The following GLDC variants were observed in gnomAD, a reference collection of about 807,000 sequenced individuals.
The protein encoded by GLDC is glycine decarboxylase.
A neutral mutation model predicts 121.3 loss-of-function variants in GLDC; 104 were observed. That is an observed-to-expected ratio of 0.86 (90% confidence interval 0.73 to 1.01). The LOEUF (loss-of-function observed/expected upper bound fraction) is 1.01. Ranked by LOEUF, GLDC falls within the 50% of genes least tolerant of loss-of-function variation. The pLI is 0.00. For synonymous variants in GLDC, 546 were observed against 480.6 expected (o/e 1.14, Z -1.78); for missense variants, 1,429 against 1,306.6 (o/e 1.09, Z -1.44).
At chr9:6,548,845 AG>A (rs1471290478) in intron 21 of GLDC, among the ~76,000 whole-genome samples, 1 of 151,992 alleles carries the variant, frequency 6.6e-6, no homozygotes, top group African/African-American at 2.4e-5. Context: ...TTTCTCTCAA[AG>A]GTATCTTTGC....
chr9:6,538,682 GGTGGTGACTTC>G (rs1300249211), intron 22 of GLDC, among the ~76,000 whole-genome samples: 1 of 152,134 alleles, frequency 6.6e-6, no homozygotes, highest in Non-Finnish European at 1.5e-5. Flanking sequence ...AGAAACACTG[GGTGGTGACTTC>G]AGTTACCACC....
chr9:6,584,086 G>C (rs902744167), intron 15 of GLDC, among the ~76,000 whole-genome samples: 3 of 152,170 alleles, frequency 2.0e-5, no homozygotes, highest in Admixed American at 6.5e-5. Context: ...TACTACTAAG[G>C]CTACTTCCTA....
Position 6,589,240 on chromosome 9 carries a change from A to T in GLDC, c.1535T>A (p.Val512Glu). The change falls in exon 12 of 25, where the codon GTG becomes GAG. Residue 512 changes from valine (V) to glutamate (E), a missense_variant. Coordinates refer to ENST00000321612, the MANE Select transcript of GLDC (RefSeq NM_000170.3). The stretch of plus-strand genomic sequence containing the variant: ...GAGGAACGGGCTGGTCCTCTTGAAC[A>T]CAGACCCTGGAATACCTCTGCACTC... ...GEECRGIPGSVFKRTSPFLTH... is the reference protein window; with the variant it reads ...GEECRGIPGSEFKRTSPFLTH... 6.2e-7 allele frequency: 1 copy of T among 1,611,734 alleles called. No homozygotes were observed. Among genetic ancestry groups the T allele is most frequent in the Non-Finnish European group, 8.5e-7 (1 of 1,177,882 alleles).
intron 15 of GLDC, among the ~76,000 whole-genome samples, chr9:6,580,671 T>G (rs1818155723): frequency 1.3e-5 from 2 of 152,172 alleles, no homozygotes; most frequent in African/African-American, 4.8e-5. Context: ...TTGCAATAAA[T>G]AAAGCCCTTC....
chr9:6,558,629 G>C lies in GLDC; in HGVS notation c.1982C>G (p.Ala661Gly). Residue 661 changes from alanine (A) to glycine (G), a missense_variant, in exon 17 of 25, where the codon GCA (alanine) becomes GGA (glycine). By Grantham distance (60) the Ala-to-Gly change is moderately conservative (BLOSUM62 0). Transcript: ENST00000321612. ...CTCCACAGGCTGAATCTTCATGCCT[G>C]CCATGTGGGCACTTGCTGGGTTGGT... is the stretch of plus-strand genomic sequence containing the variant. ...HGTNPASAHMAGMKIQPVEVD... is the reference protein window; with the variant it reads ...HGTNPASAHMGGMKIQPVEVD... 1 of 1,614,028 alleles carries C rather than the reference G, an allele frequency of 6.2e-7. No homozygotes were observed. Among genetic ancestry groups the C allele is most frequent in the African/African-American group, 1.3e-5 (1 of 75,044 alleles).
intron 11 of GLDC, among the ~76,000 whole-genome samples, chr9:6,590,877 T>C (rs1421584751): frequency 6.6e-6 from 1 of 152,236 alleles, no homozygotes; most frequent in Non-Finnish European, 1.5e-5. Context: ...GCTTCTTTGA[T>C]CATTTATGAA....
intron 2 of GLDC, among the ~76,000 whole-genome samples, chr9:6,628,289 C>G (rs541329733): frequency 6.6e-6 from 1 of 152,176 alleles, no homozygotes; most frequent in South Asian, 2.1e-4. Context: ...GCCATCCAAA[C>G]CTTGGAAAGC....
chr9:6,600,851 C>G (rs1267428566), intron 8 of GLDC, among the ~76,000 whole-genome samples: 2 of 152,152 alleles, frequency 1.3e-5, no homozygotes, highest in Admixed American at 6.5e-5. Flanking sequence ...ACCCAGGAAG[C>G]TCTTCCTGTT....
chr9:6,573,647 C>T (rs1240246291), intron 15 of GLDC, among the ~76,000 whole-genome samples: 1 of 152,114 alleles, frequency 6.6e-6, no homozygotes, highest in East Asian at 1.9e-4. Flanking sequence ...TGTTGGACAT[C>T]TTTGATGTCA....
intron 20 of GLDC, among the ~76,000 whole-genome samples, chr9:6,552,502 A>G (rs538952180): frequency 5.0e-4 from 76 of 152,358 alleles, no homozygotes; most frequent in African/African-American, 1.7e-3. Context: ...TCTGAGGTAC[A>G]GAATTGTTCC....
intron 15 of GLDC, among the ~76,000 whole-genome samples, chr9:6,581,416 T>C (rs924116104): frequency 6.6e-6 from 1 of 152,230 alleles, no homozygotes; most frequent in Non-Finnish European, 1.5e-5. Context: ...AGCAACCACA[T>C]AAACTTCTTG....
chr9:6,545,941 T>A (rs764814485), intron 21 of GLDC, among the ~76,000 whole-genome samples: 5 of 152,096 alleles, frequency 3.3e-5, no homozygotes, highest in Non-Finnish European at 5.9e-5. Context: ...ATGCCCAGCG[T>A]ACTGTAACTT....
At position 6,592,192 on chromosome 9, in the gene GLDC, T is replaced by G. The variant is rs751588571; in HGVS notation, c.1433A>C (p.Glu478Ala). 32 of 1,607,516 alleles carry G rather than the reference T, an allele frequency of 2.0e-5. No individual in the cohort carries two copies. The Middle Eastern group carries it at 2.3e-3, about 116-fold the overall frequency. Residue 478 changes from glutamate (E) to alanine (A), a missense_variant, in exon 11 of 25, where the codon GAA becomes GCA. Transcript: ENST00000321612. ...LGISLDETVN[E>A]KDLDDLLWIF... The stretch of plus-strand genomic sequence containing the variant: ...CCACAACAAATCGTCCAGATCTTTT[T>G]CATTGACTGTTTCATCAAGAGAAAT...
At chr9:6,573,467 T>A (rs952390696) in intron 15 of GLDC, among the ~76,000 whole-genome samples, 1 of 151,164 alleles carries the variant, frequency 6.6e-6, no homozygotes, top group African/African-American at 2.4e-5. Context: ...TCTTAAAAAA[T>A]AAATAAATAA....
chr9:6,639,108 G>T, intron 2 of GLDC: 1 of 718,622 alleles, frequency 1.4e-6, no homozygotes, highest in South Asian at 1.5e-5. Context: ...TGCCTATTGA[G>T]AATTAATGAC....
chr9:6,599,120 G>C (rs549205804), intron 8 of GLDC, among the ~76,000 whole-genome samples: 1 of 151,432 alleles, frequency 6.6e-6, no homozygotes, highest in Non-Finnish European at 1.5e-5. Flanking sequence ...GAAGACGGAG[G>C]TTGCAGTGAG....
At chr9:6,622,146 C>CCACA (rs1172687199) in intron 2 of GLDC, among the ~76,000 whole-genome samples, 17 of 117,570 alleles carry the variant, frequency 1.4e-4, no homozygotes, top group Non-Finnish European at 2.2e-4. Flanking sequence ...TCACCCTCCA[C>CCACA]CACACACACA....
intron 3 of GLDC, among the ~76,000 whole-genome samples, chr9:6,614,568 T>C (rs76716268): frequency 1.3e-5 from 2 of 150,590 alleles, no homozygotes; most frequent in Non-Finnish European, 2.9e-5. Context: ...TTTTTTTTTT[T>C]TGTAGGGACA....
intron 22 of GLDC, among the ~76,000 whole-genome samples, chr9:6,537,500 C>T (rs1278508495): frequency 3.9e-5 from 6 of 152,146 alleles, no homozygotes; most frequent in Non-Finnish European, 8.8e-5. Context: ...ATGTTCAGGC[C>T]AAGTGCTGTG....
Sources: allele counts gnomAD v4.1 joint callset (sites outside exome capture counted in the v4.1 genomes callset), GRCh38; gene constraint gnomAD v4.1.1; transcripts MANE v1.5; gene names NCBI Gene and HGNC (gene_info 2026-07-23, HGNC 2026-07-21).